The following BRSK2 variants were observed in gnomAD, a reference collection of about 807,000 sequenced individuals.
The protein encoded by BRSK2 is BR serine/threonine kinase 2.
Under a neutral mutation model 83.3 loss-of-function variants are expected in BRSK2, and 19 were observed. The observed-to-expected ratio is 0.23, with a 90% CI of 0.16 to 0.33. The LOEUF (loss-of-function observed/expected upper bound fraction) is 0.33, where lower values mean the gene tolerates loss of function less well. Ranked by LOEUF, BRSK2 falls within the 10% of genes least tolerant of loss-of-function variation. The probability of loss-of-function intolerance (pLI) is 1.00; values close to 1 mark genes in which losing one functional copy is unlikely to be tolerated. For synonymous variants in BRSK2, 519 were observed against 435.4 expected (o/e 1.19, Z -2.39); for missense variants, 798 against 1,042.3 (o/e 0.77, Z 3.23).
In BRSK2 at chr11:1,421,295, C is replaced by T. The variant is rs369120252; in HGVS notation, c.92-14745C>T. On this transcript the variant is annotated intron_variant, in intron 1 of 19. Coordinates refer to ENST00000528841, the MANE Select transcript of BRSK2 (RefSeq NM_001256627.2). ...AGGGAGGCAGGCGTCTGCAGTCTGGCCCTGGCTCAGGCCCACCCTTGCCCA... is the reference window on the plus strand; with the variant it reads ...AGGGAGGCAGGCGTCTGCAGTCTGGTCCTGGCTCAGGCCCACCCTTGCCCA... 1.7e-4 allele frequency among the ~76,000 whole-genome samples: 26 copies of T among 152,300 alleles called. No homozygotes were observed. The East Asian group carries it at 2.5e-3, about 15-fold the overall frequency.
At chr11:1,434,214 A>G (rs1199989170) in intron 1 of BRSK2, among the ~76,000 whole-genome samples, 1 of 152,208 alleles carries the variant, frequency 6.6e-6, no homozygotes, top group Non-Finnish European at 1.5e-5. Flanking sequence ...GGCGAGGCCG[A>G]GTCTGGGTGA....
intron 18 of BRSK2, among the ~76,000 whole-genome samples, chr11:1,458,388 C>T (rs906994318): frequency 2.6e-5 from 4 of 152,158 alleles, no homozygotes; most frequent in Non-Finnish European, 5.9e-5. Flanking sequence ...TGGGCCCCAT[C>T]TATCTCCCTG....
rs1225673813 is a variant in BRSK2, at chr11:1,443,136, C to G, written c.561C>G (p.Ile187Met). Residue 187 changes from isoleucine to methionine, a missense_variant, in exon 6 of 20, where the codon ATC becomes ATG. Ile to Met is a conservative substitution (Grantham distance 10). This residue lies in a region of BRSK2 where 109 missense variants were observed against 259.2 expected (regional missense o/e 0.42). Transcript: ENST00000528841. Reference protein sequence around the residue: ...GSPHYACPEVIRGEKYDGRKA... With the variant: ...GSPHYACPEVMRGEKYDGRKA... ...CCCACTACGCCTGCCCCGAGGTGAT[C>G]CGGGTGAGTCAGCGCCGCCGCGTGC... The G allele has an allele frequency of 1.3e-6, 2 of 1,537,048 alleles. No homozygotes were observed. Among genetic ancestry groups the G allele is most frequent in the Admixed American group, 2.0e-5 (1 of 50,918 alleles).
chr11:1,412,418 T>C (rs4441046), intron 1 of BRSK2, among the ~76,000 whole-genome samples: 1,820 of 15,526 alleles, frequency 0.12, 260 homozygotes, highest in Middle Eastern at 0.29. Context: ...TGAGCTGCGC[T>C]GCCCCGTCCT....
intron 1 of BRSK2, among the ~76,000 whole-genome samples, chr11:1,424,226 C>T (rs958367568): frequency 2.0e-5 from 3 of 152,222 alleles, no homozygotes; most frequent in Non-Finnish European, 2.9e-5. Flanking sequence ...CCCCACCATT[C>T]CCCTGGAGTG....
At chr11:1,442,149 T>G (rs1159815562) in intron 4 of BRSK2, among the ~76,000 whole-genome samples, 2 of 151,426 alleles carry the variant, frequency 1.3e-5, no homozygotes, top group Admixed American at 1.3e-4. Flanking sequence ...CCTCGGCCTT[T>G]CCAGGGGCCA....
intron 18 of BRSK2, 75 bp downstream of exon 18, chr11:1,456,762 G>A (rs1032193343): frequency 5.4e-6 from 8 of 1,471,874 alleles, no homozygotes; most frequent in East Asian, 2.5e-5. Context: ...GCGGACGGGA[G>A]GCGTGAGGAC....
chr11:1,450,145 G>A (rs902668616), intron 13 of BRSK2, among the ~76,000 whole-genome samples: 6 of 150,890 alleles, frequency 4.0e-5, no homozygotes, highest in African/African-American at 9.8e-5. Context: ...CTCCTGTGCC[G>A]TGTGCATGCG....
chr11:1,460,865 T>C lies in BRSK2; in HGVS notation c.*142T>C, dbSNP rs1765786041. ...AGCCTGGGAGGAAAGGAAAGGGGCG[T>C]TGGGGCCGGCCTGTGGGCTGCGCCA... is the stretch of plus-strand genomic sequence containing the variant. On this transcript the variant is annotated 3_prime_UTR_variant, in exon 20 of 20. Coordinates refer to ENST00000528841, the MANE Select transcript of BRSK2 (RefSeq NM_001256627.2). 1.3e-6 allele frequency: 2 copies of C among 1,571,794 alleles called. No individual in the cohort carries two copies. Among genetic ancestry groups the C allele is most frequent in the South Asian group, 1.2e-5 (1 of 86,618 alleles).
chr11:1,447,707 T>A, intron 12 of BRSK2: 1 of 1,229,780 alleles, frequency 8.1e-7, no homozygotes, highest in South Asian at 1.3e-5. Context: ...CCACGTGGAG[T>A]TCTTACCCGG....
chr11:1,428,370 C>T (rs1849498696), intron 1 of BRSK2, among the ~76,000 whole-genome samples: 1 of 152,234 alleles, frequency 6.6e-6, no homozygotes, highest in Admixed American at 6.5e-5. Context: ...CCGTAACCTC[C>T]TCTGGGAAGG....
At chr11:1,436,454 T>A (rs974104065) in intron 2 of BRSK2, among the ~76,000 whole-genome samples, 2 of 152,164 alleles carry the variant, frequency 1.3e-5, no homozygotes, top group Non-Finnish European at 2.9e-5. Flanking sequence ...CCAGCTAGAA[T>A]GGAGAGGAGT....
intron 1 of BRSK2, among the ~76,000 whole-genome samples, chr11:1,425,963 G>A (rs1163827529): frequency 6.6e-6 from 1 of 152,230 alleles, no homozygotes; most frequent in East Asian, 1.9e-4. Context: ...TGGCTGGGGA[G>A]GGCTGAGGTT....
In BRSK2 at chr11:1,390,782, G is replaced by A. The variant is rs1324509725; in HGVS notation, c.91+407G>A. On this transcript the variant is annotated intron_variant, in intron 1 of 19. Coordinates refer to ENST00000528841, the MANE Select transcript of BRSK2 (RefSeq NM_001256627.2). This position sits in a 1 kb window ranked among gnomAD's most constrained non-coding sequence, Gnocchi z 6.8. Reference sequence around the variant, plus strand: ...CTGCCGCGGCCGCGCTAATAGGCGTGCTGCCCGAGCAGCTGCGCCCCCGGC... The same window carrying A: ...CTGCCGCGGCCGCGCTAATAGGCGTACTGCCCGAGCAGCTGCGCCCCCGGC... 2.0e-5 allele frequency among the ~76,000 whole-genome samples: 3 copies of A among 151,974 alleles called. No homozygotes were observed. The highest frequency in any genetic ancestry group is 6.6e-5 in the Admixed American group (1 of 15,262).
chr11:1,395,836 C>T (rs1282940178), intron 1 of BRSK2, among the ~76,000 whole-genome samples: 1 of 152,180 alleles, frequency 6.6e-6, no homozygotes, highest in African/African-American at 2.4e-5. Context: ...CCAGGGAGGG[C>T]TTTCCAGAGT....
In BRSK2 at chr11:1,393,598, G is replaced by A. The variant is rs549645197; in HGVS notation, c.91+3223G>A. Among the ~76,000 whole-genome samples the A allele has an allele frequency of 2.1e-3, 320 of 152,298 alleles. 1 individual carries two copies. The highest frequency in any genetic ancestry group is 4.0e-3 in the Non-Finnish European group (270 of 68,020). ...CCTAGGCTGCCAGGGACCTGGGGCC[G>A]CCCCTCCATGTTCTCAATGGCCTTT... is the stretch of plus-strand genomic sequence containing the variant. On this transcript the variant is annotated intron_variant, in intron 1 of 19. Transcript: ENST00000528841.
chr11:1,448,618 C>T (rs1163701703), intron 12 of BRSK2, among the ~76,000 whole-genome samples: 1 of 152,190 alleles, frequency 6.6e-6, no homozygotes, highest in African/African-American at 2.4e-5. Context: ...ACAGGAACCA[C>T]AGGTCCAGGG....
chr11:1,394,564 G>A (rs1440904879), intron 1 of BRSK2, among the ~76,000 whole-genome samples: 1 of 55,470 alleles, frequency 1.8e-5, no homozygotes, highest in African/African-American at 7.6e-5. Flanking sequence ...CTGGAGATGG[G>A]TCCTGGAGAT....
chr11:1,451,014 G>A (rs370317352), intron 14 of BRSK2, among the ~76,000 whole-genome samples: 2 of 152,236 alleles, frequency 1.3e-5, no homozygotes, highest in East Asian at 3.8e-4. Flanking sequence ...GTGTTCCTGA[G>A]TCTACCCACT....
Sources: allele counts gnomAD v4.1 joint callset (sites outside exome capture counted in the v4.1 genomes callset), GRCh38; gene constraint gnomAD v4.1.1; regional missense constraint gnomAD v4.1.1; non-coding constraint Gnocchi (gnomAD v3.1); transcripts MANE v1.5; gene names NCBI Gene and HGNC (gene_info 2026-07-23, HGNC 2026-07-21).